Variants in BBS9 observed in about 807,000 individuals in gnomAD.
BBS9 encodes the protein protein PTHB1.
In BBS9, 89 loss-of-function variants were observed where a neutral mutation model predicts 117.7. That is an observed-to-expected ratio of 0.76 (90% CI 0.64 to 0.90). BBS9 has a LOEUF of 0.90. Among genes scored for constraint, BBS9 ranks in the 40% least tolerant of loss-of-function variants. The pLI, the probability that BBS9 is intolerant of heterozygous loss-of-function variation, is 0.00. For missense variants in BBS9, 982 were observed against 1,042.2 expected, an observed-to-expected ratio of 0.94 and a Z score of 0.80; for synonymous variants, 379 against 370.9, an observed-to-expected ratio of 1.02 and a Z score of -0.25.
chr7:33,562,873 G>A (rs868864552), intron 21 of BBS9, among the ~76,000 whole-genome samples: 3 of 152,050 alleles, frequency 2.0e-5, no homozygotes, highest in South Asian at 4.1e-4. Flanking sequence ...GTAGTGAGCC[G>A]GGATTGTGCC....
chr7:33,158,632 T>C (rs938321369), intron 4 of BBS9, among the ~76,000 whole-genome samples: 1 of 152,228 alleles, frequency 6.6e-6, no homozygotes, highest in African/African-American at 2.4e-5. Flanking sequence ...TAGTGTCGTT[T>C]CATGCCAAGT....
intron 4 of BBS9, among the ~76,000 whole-genome samples, chr7:33,159,441 T>A (rs4723265): frequency 0.51 from 76,887 of 152,060 alleles, 19,533 homozygotes; most frequent in East Asian, 0.67. Context: ...TCTAGGAGCT[T>A]TGTGTTTCCT....
At chr7:33,161,907 C>CATAG (rs1160464853) in intron 4 of BBS9, among the ~76,000 whole-genome samples, 8 of 152,314 alleles carry the variant, frequency 5.3e-5, no homozygotes, top group African/African-American at 1.7e-4. Context: ...CTGTTGGGTG[C>CATAG]ATAGATGTCT....
intron 19 of BBS9, among the ~76,000 whole-genome samples, chr7:33,495,020 AT>A (rs1380474497): frequency 6.6e-6 from 1 of 152,236 alleles, no homozygotes; most frequent in Non-Finnish European, 1.5e-5. Context: ...TGGTGTAACT[AT>A]TTTATCTAAA....
chr7:33,394,136 C>T (rs28497394), intron 19 of BBS9, among the ~76,000 whole-genome samples: 1 of 152,112 alleles, frequency 6.6e-6, no homozygotes, highest in Non-Finnish European at 1.5e-5. Context: ...ATGATTCTTA[C>T]AGGGGAAGGA....
At chr7:33,473,151 A>G (rs991547836) in intron 19 of BBS9, among the ~76,000 whole-genome samples, 1 of 152,228 alleles carries the variant, frequency 6.6e-6, no homozygotes, top group African/African-American at 2.4e-5. Context: ...GTCTTCCCCT[A>G]CCAGTTAGAA....
At chr7:33,241,407 T>C (rs1359491374) in intron 5 of BBS9, among the ~76,000 whole-genome samples, 2 of 152,214 alleles carry the variant, frequency 1.3e-5, no homozygotes. Context: ...TGATTTATTT[T>C]TATTTATCCC....
intron 2 of BBS9, among the ~76,000 whole-genome samples, chr7:33,148,464 GCAATTCTC>G (rs1792769744): frequency 6.6e-6 from 1 of 152,062 alleles, no homozygotes; most frequent in African/African-American, 2.4e-5. Flanking sequence ...CCGGGTTCAA[GCAATTCTC>G]CTGCCTTAGC....
At chr7:33,258,908 A>G (rs1285444918) in intron 6 of BBS9, among the ~76,000 whole-genome samples, 2 of 152,232 alleles carry the variant, frequency 1.3e-5, no homozygotes, top group East Asian at 1.9e-4. Flanking sequence ...TAAGTCTCCA[A>G]CATACCAATC....
intron 2 of BBS9, among the ~76,000 whole-genome samples, chr7:33,148,434 C>T (rs1334522810): frequency 1.3e-5 from 2 of 152,198 alleles, no homozygotes; most frequent in Non-Finnish European, 2.9e-5. Context: ...GTGATCTTGG[C>T]TCACTGCAAC....
intron 6 of BBS9, among the ~76,000 whole-genome samples, chr7:33,263,326 G>T (rs1001294482): frequency 5.3e-5 from 8 of 152,152 alleles, no homozygotes; most frequent in African/African-American, 1.9e-4. Flanking sequence ...CTTCATTCAG[G>T]TCCCTGATTT....
chr7:33,193,003 A>T (rs765143635), intron 5 of BBS9, among the ~76,000 whole-genome samples: 1 of 152,228 alleles, frequency 6.6e-6, no homozygotes, highest in Non-Finnish European at 1.5e-5. Flanking sequence ...CGTTCAGACC[A>T]TAGCAAGTAG....
At chr7:33,278,335 T>C (rs1053873164) in intron 9 of BBS9, among the ~76,000 whole-genome samples, 1 of 152,202 alleles carries the variant, frequency 6.6e-6, no homozygotes, top group Non-Finnish European at 1.5e-5. Context: ...TTTGCATGTA[T>C]TCATAGGTGC....
At chr7:33,438,341 C>T (rs1835625374) in intron 19 of BBS9, among the ~76,000 whole-genome samples, 1 of 152,038 alleles carries the variant, frequency 6.6e-6, no homozygotes. Context: ...ATAAATTTGA[C>T]TAAATTGAAA....
chr7:33,251,444 A>C (rs942179119), intron 5 of BBS9, among the ~76,000 whole-genome samples: 1 of 152,190 alleles, frequency 6.6e-6, no homozygotes. Flanking sequence ...AGTCTCACCC[A>C]AACCTTATGG....
At chr7:33,552,074 T>C (rs572876864) in intron 21 of BBS9, among the ~76,000 whole-genome samples, 1 of 152,288 alleles carries the variant, frequency 6.6e-6, no homozygotes, top group Admixed American at 6.5e-5. Context: ...ATAACATATC[T>C]GTAGTGATCA....
At chr7:33,533,874 A>G (rs1236719272) in intron 20 of BBS9, 80 bp from the exon 21 acceptor site, 2 of 1,462,254 alleles carry the variant, frequency 1.4e-6, no homozygotes, top group African/African-American at 2.8e-5. Context: ...ATAAACACTC[A>G]ATAATCTGTA....
intron 5 of BBS9, among the ~76,000 whole-genome samples, chr7:33,256,184 A>T (rs1490817444): frequency 6.6e-6 from 1 of 152,010 alleles, no homozygotes; most frequent in Non-Finnish European, 1.5e-5. Context: ...CAAACAAAAA[A>T]AACCAAAACA....
intron 5 of BBS9, among the ~76,000 whole-genome samples, chr7:33,204,036 C>T (rs1171943552): frequency 1.3e-5 from 2 of 149,002 alleles, no homozygotes; most frequent in South Asian, 4.4e-4. Context: ...ACGAACACTA[C>T]TTTTCTAATT....
Sources: gnomAD v4.1 joint callset for allele counts (sites outside exome capture counted in the v4.1 genomes callset) on GRCh38, gnomAD v4.1.1 for gene constraint, MANE v1.5 for transcripts, NCBI Gene and HGNC (gene_info 2026-07-23, HGNC 2026-07-21) for gene names.